The following GALNTL6 variants were observed in gnomAD, a reference collection of about 807,000 sequenced individuals.
GALNTL6 encodes polypeptide N-acetylgalactosaminyltransferase-like 6.
A neutral mutation model predicts 73.7 loss-of-function variants in GALNTL6; 46 were observed. The ratio of observed to expected loss-of-function variants is 0.62; its 90% CI spans 0.49 to 0.80. The LOEUF is 0.80. GALNTL6 is among the 30% of genes least tolerant of loss of function. The probability of loss-of-function intolerance (pLI) is 0.00; values close to 1 mark genes in which losing one functional copy is unlikely to be tolerated. For synonymous variants in GALNTL6, 259 were observed against 263.7 expected (o/e 0.98, Z 0.17); for missense variants, 604 against 755.0 (o/e 0.80, Z 2.34).
chr4:171,850,529 T>G (rs1348558256), intron 2 of GALNTL6, among the ~76,000 whole-genome samples: 2 of 147,272 alleles, frequency 1.4e-5, no homozygotes, highest in Admixed American at 6.9e-5. Flanking sequence ...AACTGCTAAA[T>G]AAAAAGGAAA....
intron 5 of GALNTL6, among the ~76,000 whole-genome samples, chr4:172,476,297 C>T (rs1733228620): frequency 6.6e-6 from 1 of 152,234 alleles, no homozygotes; most frequent in Admixed American, 6.5e-5. Context: ...TTCCTGAGGC[C>T]TCTTTTGCAA....
intron 2 of GALNTL6, among the ~76,000 whole-genome samples, chr4:171,982,247 G>T (rs1307773722): frequency 6.6e-6 from 1 of 151,892 alleles, no homozygotes; most frequent in African/African-American, 2.4e-5. Flanking sequence ...CTTCAGGAGG[G>T]TCATAAAAGT....
intron 2 of GALNTL6, among the ~76,000 whole-genome samples, chr4:172,121,971 ACCACGTGG>A (rs1733162688): frequency 6.6e-6 from 1 of 150,970 alleles, no homozygotes; most frequent in African/African-American, 2.4e-5. Flanking sequence ...TTTTTTTTTA[ACCACGTGG>A]CCTATTTTCT....
chr4:172,755,744 C>T (rs1279499971), intron 5 of GALNTL6, among the ~76,000 whole-genome samples: 2 of 152,128 alleles, frequency 1.3e-5, no homozygotes, highest in Non-Finnish European at 2.9e-5. Context: ...TGCACTATGA[C>T]TTTTATTTAA....
At chr4:172,169,020 C>T (rs1280839523) in intron 2 of GALNTL6, among the ~76,000 whole-genome samples, 1 of 152,174 alleles carries the variant, frequency 6.6e-6, no homozygotes, top group Admixed American at 6.5e-5. Flanking sequence ...TGAAAATGTT[C>T]CTCTCTTAAG....
At chr4:172,169,011 G>T (rs2110814873) in intron 2 of GALNTL6, among the ~76,000 whole-genome samples, 2 of 152,292 alleles carry the variant, frequency 1.3e-5, no homozygotes, top group South Asian at 4.1e-4. Flanking sequence ...AGAAATCAGT[G>T]AAAATGTTCC....
At chr4:172,298,974 T>C (rs1739796877) in intron 3 of GALNTL6, among the ~76,000 whole-genome samples, 1 of 152,234 alleles carries the variant, frequency 6.6e-6, no homozygotes, top group South Asian at 2.1e-4. Flanking sequence ...CTGGTAGAAT[T>C]TGGCTGTGAA....
At chr4:172,259,346 C>T (rs1264740963) in intron 3 of GALNTL6, among the ~76,000 whole-genome samples, 1 of 151,098 alleles carries the variant, frequency 6.6e-6, no homozygotes, top group Non-Finnish European at 1.5e-5. Context: ...TTTGCATTAC[C>T]CTAATAGTTA....
chr4:172,605,667 G>C (rs1440949436), intron 5 of GALNTL6, among the ~76,000 whole-genome samples: 2 of 152,120 alleles, frequency 1.3e-5, no homozygotes, highest in South Asian at 2.1e-4. Context: ...TCAGGAAAAA[G>C]TATGCGGTTT....
intron 2 of GALNTL6, among the ~76,000 whole-genome samples, chr4:172,131,479 G>GTA (rs34442141): frequency 0.44 from 63,038 of 142,524 alleles, 14,382 homozygotes; most frequent in African/African-American, 0.55. Context: ...ATGTATACAT[G>GTA]TATATATATA....
At chr4:172,022,344 T>G (rs1174165638) in intron 2 of GALNTL6, among the ~76,000 whole-genome samples, 5 of 152,076 alleles carry the variant, frequency 3.3e-5, no homozygotes, top group Admixed American at 2.6e-4. Context: ...TCCTCCACAC[T>G]GACTTTTTCA....
At chr4:172,429,404 A>G (rs1028390294) in intron 5 of GALNTL6, among the ~76,000 whole-genome samples, 1 of 151,602 alleles carries the variant, frequency 6.6e-6, no homozygotes, top group Admixed American at 6.6e-5. Context: ...TAGAGACAGC[A>G]TTTCACTATG....
chr4:172,389,211 TA>T (rs1743578645), intron 5 of GALNTL6, among the ~76,000 whole-genome samples: 1 of 152,036 alleles, frequency 6.6e-6, no homozygotes, highest in African/African-American at 2.4e-5. Flanking sequence ...CATTTAGTAA[TA>T]ATTAATTTAT....
At chr4:172,530,557 G>C (rs1261675143) in intron 5 of GALNTL6, among the ~76,000 whole-genome samples, 1 of 152,136 alleles carries the variant, frequency 6.6e-6, no homozygotes, top group Non-Finnish European at 1.5e-5. Flanking sequence ...AACCACAGCT[G>C]TCTTGTTAAT....
chr4:172,255,770 T>G (rs1366613745), intron 3 of GALNTL6, among the ~76,000 whole-genome samples: 1 of 151,376 alleles, frequency 6.6e-6, no homozygotes, highest in African/African-American at 2.4e-5. Flanking sequence ...TTTTCAGATG[T>G]TCTCTAATAA....
intron 5 of GALNTL6, among the ~76,000 whole-genome samples, chr4:172,614,566 T>C (rs1738652098): frequency 6.6e-6 from 1 of 152,196 alleles, no homozygotes. Flanking sequence ...GTTTTATGTG[T>C]ATAAGCATCT....
intron 2 of GALNTL6, among the ~76,000 whole-genome samples, chr4:171,819,207 A>G (rs777571579): frequency 6.6e-6 from 1 of 152,068 alleles, no homozygotes; most frequent in Non-Finnish European, 1.5e-5. Context: ...TAGATTTTAA[A>G]TTAGGGTTTT....
At chr4:172,492,612 AT>A (rs1370027014) in intron 5 of GALNTL6, among the ~76,000 whole-genome samples, 1 of 152,154 alleles carries the variant, frequency 6.6e-6, no homozygotes, top group Non-Finnish European at 1.5e-5. Flanking sequence ...AGAGTTTAGC[AT>A]TTGAGGTGAA....
chr4:172,528,952 C>CATATATATATATATATACATATATATAT (rs765904258), intron 5 of GALNTL6, among the ~76,000 whole-genome samples: 1 of 23,316 alleles, frequency 4.3e-5, no homozygotes, highest in African/African-American at 7.8e-5. Context: ...TTCCCAAAGG[C>CATATATATATATATATACATATATATAT]ATATATATAT....
Sources: gnomAD v4.1 joint callset for allele counts (sites outside exome capture counted in the v4.1 genomes callset) on GRCh38, gnomAD v4.1.1 for gene constraint, MANE v1.5 for transcripts, NCBI Gene and HGNC (gene_info 2026-07-23, HGNC 2026-07-21) for gene names.